Variants in PDE4B observed in about 807,000 individuals in gnomAD.
PDE4B encodes the protein 3',5'-cyclic-AMP phosphodiesterase 4B.
In PDE4B, 20 loss-of-function variants were observed where a neutral mutation model predicts 82.2. That is an observed-to-expected ratio of 0.24 (90% CI 0.17 to 0.35). The LOEUF (loss-of-function observed/expected upper bound fraction) is 0.35. Ranked by LOEUF, PDE4B falls within the 10% of genes least tolerant of loss-of-function variation. The pLI, the probability that PDE4B is intolerant of heterozygous loss-of-function variation, is 1.00. For synonymous variants in PDE4B, 320 were observed against 318.9 expected, an observed-to-expected ratio of 1.00 and a Z score of -0.04; for missense variants, 655 against 907.2, an observed-to-expected ratio of 0.72 and a Z score of 3.57.
At chr1:66,028,626 C>G (rs894462850) in intron 3 of PDE4B, among the ~76,000 whole-genome samples, 5 of 152,162 alleles carry the variant, frequency 3.3e-5, no homozygotes, top group African/African-American at 4.8e-5. Context: ...ATGCCTTTAA[C>G]AACACCAAAG....
chr1:65,888,786 T>A (rs376081350), intron 1 of PDE4B, among the ~76,000 whole-genome samples: 2 of 152,192 alleles, frequency 1.3e-5, no homozygotes, highest in African/African-American at 4.8e-5. Context: ...CTGATTTTTG[T>A]ATATTGATAT....
At chr1:66,208,355 AT>A (rs1168738909) in intron 3 of PDE4B, among the ~76,000 whole-genome samples, 3 of 152,192 alleles carry the variant, frequency 2.0e-5, no homozygotes, top group Non-Finnish European at 4.4e-5. Flanking sequence ...GAATGAAGAG[AT>A]TAATGAGCCC....
intron 3 of PDE4B, among the ~76,000 whole-genome samples, chr1:66,042,295 A>G (rs1310306356): frequency 6.6e-6 from 1 of 151,894 alleles, no homozygotes; most frequent in Non-Finnish European, 1.5e-5. Flanking sequence ...AAAGGAAGCT[A>G]GATTACTATG....
At chr1:66,075,922 A>G (rs1042622308) in intron 3 of PDE4B, among the ~76,000 whole-genome samples, 7 of 7,646 alleles carry the variant, frequency 9.2e-4, no homozygotes, top group African/African-American at 2.7e-3. Context: ...AACAAAACAA[A>G]ACAAAAAAAA....
chr1:66,158,226 TAAAAGC>T (rs1041320946), intron 3 of PDE4B, among the ~76,000 whole-genome samples: 2 of 152,096 alleles, frequency 1.3e-5, no homozygotes, highest in African/African-American at 4.8e-5. Flanking sequence ...ACACCAAACT[TAAAAGC>T]TACTGCACAG....
At chr1:66,139,499 G>A (rs2101138757) in intron 3 of PDE4B, among the ~76,000 whole-genome samples, 1 of 152,228 alleles carries the variant, frequency 6.6e-6, no homozygotes, top group South Asian at 2.1e-4. Flanking sequence ...TACTTTAAGA[G>A]CTCATGGGAT....
intron 1 of PDE4B, among the ~76,000 whole-genome samples, chr1:65,851,958 T>C (rs1646337571): frequency 6.6e-6 from 1 of 152,038 alleles, no homozygotes; most frequent in Non-Finnish European, 1.5e-5. Flanking sequence ...AATCAGGAAC[T>C]CTTTTTCTGC....
At chr1:66,041,831 C>CACAT (rs1339234083) in intron 3 of PDE4B, among the ~76,000 whole-genome samples, 25 of 124,068 alleles carry the variant, frequency 2.0e-4, no homozygotes, top group Admixed American at 1.8e-3. Flanking sequence ...CACACACATA[C>CACAT]ACACACACAC....
intron 8 of PDE4B, chr1:66,354,965 A>G (rs1040140238): frequency 7.6e-6 from 10 of 1,324,102 alleles, no homozygotes; most frequent in Admixed American, 2.0e-5. Flanking sequence ...TTTTTTGTGA[A>G]GTACAGGACA....
At chr1:66,268,146 A>G (rs1655188242) in intron 7 of PDE4B, among the ~76,000 whole-genome samples, 2 of 152,240 alleles carry the variant, frequency 1.3e-5, no homozygotes, top group South Asian at 4.1e-4. Flanking sequence ...GTTTGCTCAG[A>G]AAGCCTGACT....
At chr1:65,852,982 GAAT>G (rs1397204239) in intron 1 of PDE4B, among the ~76,000 whole-genome samples, 1 of 151,920 alleles carries the variant, frequency 6.6e-6, no homozygotes. Context: ...GAAGAGTATT[GAAT>G]TATCCAATTA....
At chr1:65,887,819 G>A (rs376035712) in intron 1 of PDE4B, among the ~76,000 whole-genome samples, 4 of 151,756 alleles carry the variant, frequency 2.6e-5, no homozygotes, top group African/African-American at 7.3e-5. Context: ...TTTTTAACTT[G>A]TTTGAGTTCC....
intron 3 of PDE4B, among the ~76,000 whole-genome samples, chr1:66,107,408 G>A (rs191438304): frequency 6.6e-6 from 1 of 151,672 alleles, no homozygotes; most frequent in East Asian, 1.9e-4. Context: ...CCATTTTCCT[G>A]TATTTATTAA....
At chr1:66,189,747 C>T (rs958053831) in intron 3 of PDE4B, among the ~76,000 whole-genome samples, 5 of 151,604 alleles carry the variant, frequency 3.3e-5, no homozygotes, top group Non-Finnish European at 7.4e-5. Context: ...ATTTTTTTTT[C>T]AAGGTTTTTA....
chr1:66,291,718 A>G (rs1482827725), intron 7 of PDE4B, among the ~76,000 whole-genome samples: 2 of 152,170 alleles, frequency 1.3e-5, no homozygotes, highest in Non-Finnish European at 2.9e-5. Flanking sequence ...GCTGCACTCC[A>G]TGGGCTCCAA....
At chr1:66,278,389 T>A (rs988224475) in intron 7 of PDE4B, among the ~76,000 whole-genome samples, 1 of 152,226 alleles carries the variant, frequency 6.6e-6, no homozygotes, top group Non-Finnish European at 1.5e-5. Context: ...GAATCTGTGA[T>A]GCCAATCTGG....
At chr1:65,992,831 T>C in intron 3 of PDE4B, 1 of 1,542,654 alleles carries the variant, frequency 6.5e-7, no homozygotes, top group Non-Finnish European at 8.7e-7. Context: ...TTATCAGTCT[T>C]CTGACCTGCA....
At chr1:66,154,369 C>T (rs1341285642) in intron 3 of PDE4B, among the ~76,000 whole-genome samples, 1 of 152,070 alleles carries the variant, frequency 6.6e-6, no homozygotes, top group African/African-American at 2.4e-5. Context: ...ACCTGTTTAC[C>T]CTTCTTCTTT....
intron 7 of PDE4B, among the ~76,000 whole-genome samples, chr1:66,272,154 C>T (rs1188007196): frequency 6.6e-6 from 1 of 152,222 alleles, no homozygotes; most frequent in Non-Finnish European, 1.5e-5. Context: ...CCTGGTCATG[C>T]AGCTCCCAGG....
Sources: allele counts gnomAD v4.1 joint callset (sites outside exome capture counted in the v4.1 genomes callset), GRCh38; gene constraint gnomAD v4.1.1; transcripts MANE v1.5; gene names NCBI Gene and HGNC (gene_info 2026-07-23, HGNC 2026-07-21).